Variants in ALG2 observed in about 807,000 individuals in gnomAD.
ALG2 encodes ALG2 alpha-1,3/1,6-mannosyltransferase, also known as alpha-1,3/1,6-mannosyltransferase ALG2.
Under a neutral mutation model 30.5 loss-of-function variants are expected in ALG2, and 32 were observed. That is an observed-to-expected ratio of 1.05 (90% CI 0.79 to 1.41). The LOEUF is 1.41. ALG2 is among the 40% of genes most tolerant of loss of function. The pLI is 0.00. For synonymous variants in ALG2, 253 were observed against 224.8 expected, an observed-to-expected ratio of 1.13 and a Z score of -1.12; for missense variants, 574 against 526.4, an observed-to-expected ratio of 1.09 and a Z score of -0.88.
chr9:99,221,826 G>C lies in ALG2; in HGVS notation c.69C>G (p.Asp23Glu), dbSNP rs764985375. 2 of 1,597,160 alleles carry C rather than the reference G, an allele frequency of 1.3e-6. No individual in the cohort carries two copies. The highest frequency in any genetic ancestry group is 3.3e-5 in the Admixed American group (2 of 59,920). ...PKPSVLFLHP[D>E]LGVGGAERLV... ...GCCGCTCAGCGCCGCCCACGCCCAG[G>C]TCTGGGTGGAGGAACAGCACCGACG... The change falls in exon 1 of 2, where the codon GAC becomes GAG. Residue 23 changes from aspartate (D) to glutamate (E), a missense_variant. Coordinates refer to ENST00000476832, the MANE Select transcript of ALG2 (RefSeq NM_033087.4).
At chr9:99,220,862 A>G (rs1236696151) in intron 1 of ALG2, 3 of 1,116,240 alleles carry the variant, frequency 2.7e-6, no homozygotes, top group Non-Finnish European at 3.6e-6. Flanking sequence ...CTATACTACT[A>G]AATTTTTAAT....
rs1828690687 is a variant in ALG2 at position 99,216,453 on chromosome 9, A to G, written c.*1481T>C. ...AATGCAACAGAACTTTTAATCCCAT[A>G]AAAGACTCAATATATTTGGCACCCT... On this transcript the variant is annotated 3_prime_UTR_variant, in exon 2 of 2. Coordinates refer to ENST00000476832, the MANE Select transcript of ALG2 (RefSeq NM_033087.4). The G allele has an allele frequency of 2.3e-6, 1 of 433,420 alleles. No individual in the cohort carries two copies. The highest frequency in any genetic ancestry group is 2.0e-5 in the African/African-American group (1 of 48,976). The allele number at this position is 433,420 out of a possible 1,614,324, so 26.8% of individuals were successfully genotyped here. A position where few individuals can be genotyped will look rare whatever the true frequency, so the allele number is the denominator to read the frequency against.
rs183826470 is a variant in ALG2, at chr9:99,219,567, A to G, written c.349-731T>C. Among the ~76,000 whole-genome samples the G allele has an allele frequency of 4.1e-3, 630 of 152,372 alleles. 6 individuals carry two copies. The highest frequency in any genetic ancestry group is 5.1e-3 in the Non-Finnish European group (344 of 68,030). ...TTTTGTGATTATTAAATGCACTGAT[A>G]TATGCAAAACACATGGAGTTTAGCA... On this transcript the variant is annotated intron_variant, in intron 1 of 1. Transcript: ENST00000476832.
At chr9:99,220,693 T>C (rs1446322530) in intron 1 of ALG2, among the ~76,000 whole-genome samples, 3 of 152,148 alleles carry the variant, frequency 2.0e-5, no homozygotes, top group Admixed American at 6.5e-5. Flanking sequence ...TAATAGTAGG[T>C]ATGTCATAAT....
In ALG2 at chr9:99,216,469, T is replaced by C. The variant is rs916256323; in HGVS notation, c.*1465A>G. ...TAATCCCATAAAAGACTCAATATAT[T>C]TGGCACCCTCATTTTATAGTACTCC... On this transcript the variant is annotated 3_prime_UTR_variant, in exon 2 of 2. Coordinates refer to ENST00000476832, the MANE Select transcript of ALG2 (RefSeq NM_033087.4). 2 of 441,726 alleles carry C rather than the reference T, an allele frequency of 4.5e-6. No homozygotes were observed. Among genetic ancestry groups the C allele is most frequent in the African/African-American group, 4.1e-5 (2 of 49,278 alleles). 27.4% of individuals were successfully genotyped at this position (441,726 alleles called of 1,614,324 possible).
rs372356780 is a variant in ALG2, at chr9:99,217,955, A to G, written c.1230T>C (p.Tyr410=). The G allele has an allele frequency of 1.4e-5, 22 of 1,614,108 alleles. No individual in the cohort carries two copies. Among genetic ancestry groups the G allele is most frequent in the South Asian group, 5.5e-5 (5 of 91,094 alleles). The part of the protein sequence containing the change: ...PEAFTEQLYR[Y]VTKLLV ...CTGATTATACCAGCAGTTTGGTAAC[A>G]TATCGGTAGAGCTGTTCTGTAAATG... Residue 410 remains tyrosine (Y), a synonymous_variant, in exon 2 of 2, where the codon TAT becomes TAC. Coordinates refer to ENST00000476832, the MANE Select transcript of ALG2 (RefSeq NM_033087.4).
rs773641589 is a variant in ALG2, at chr9:99,217,229, C to T, written c.*705G>A. Reference sequence around the variant, plus strand: ...AATATACCCTAAACAAGATGCACAACACATGTGTGACAATATTCTTGCTTC... The same window carrying T: ...AATATACCCTAAACAAGATGCACAATACATGTGTGACAATATTCTTGCTTC... On this transcript the variant is annotated 3_prime_UTR_variant, in exon 2 of 2. Transcript: ENST00000476832. 2 of 454,116 alleles carry T rather than the reference C, an allele frequency of 4.4e-6. No individual in the cohort carries two copies. The highest frequency in any genetic ancestry group is 1.6e-5 in the South Asian group (1 of 64,480). The allele number at this position is 454,116 out of a possible 1,614,324, so 28.1% of individuals were successfully genotyped here. A position where few individuals can be genotyped will look rare whatever the true frequency, so the allele number is the denominator to read the frequency against.
At position 99,217,250 on chromosome 9, in the gene ALG2, G is replaced by C. The variant is rs1415355078; in HGVS notation, c.*684C>G. 1 of 453,972 alleles carries C rather than the reference G, an allele frequency of 2.2e-6. No homozygotes were observed. The highest frequency in any genetic ancestry group is 4.4e-6 in the Non-Finnish European group (1 of 226,788). The allele number at this position is 453,972 out of a possible 1,614,324, so 28.1% of individuals were successfully genotyped here. On this transcript the variant is annotated 3_prime_UTR_variant, in exon 2 of 2. Coordinates refer to ENST00000476832, the MANE Select transcript of ALG2 (RefSeq NM_033087.4). Reference sequence around the variant, plus strand: ...ACAACACATGTGTGACAATATTCTTGCTTCATTTCAATATCCACTTTACCC... The same window carrying C: ...ACAACACATGTGTGACAATATTCTTCCTTCATTTCAATATCCACTTTACCC...
In ALG2 at chr9:99,218,161, T is replaced by A; in HGVS notation, c.1024A>T (p.Ile342Phe). 1 of 1,612,240 alleles carries A rather than the reference T, an allele frequency of 6.2e-7. No homozygotes were observed. The highest frequency in any genetic ancestry group is 1.1e-5 in the South Asian group (1 of 91,046). The change falls in exon 2 of 2, where the codon ATT (isoleucine) becomes TTT (phenylalanine). Residue 342 changes from isoleucine (I) to phenylalanine (F), a missense_variant. Physicochemically the swap from Ile to Phe is conservative, Grantham distance 21. Coordinates refer to ENST00000476832, the MANE Select transcript of ALG2 (RefSeq NM_033087.4). ...AAGGGTCCACCCGAATTAACAGCAA[T>A]GACTGGGCACTGCATGTACATGGCT... is the stretch of plus-strand genomic sequence containing the variant. Reference protein sequence around the residue: ...LEAMYMQCPVIAVNSGGPLES... With the variant: ...LEAMYMQCPVFAVNSGGPLES...
Position 99,217,390 on chromosome 9 carries a change from T to C in ALG2, c.*544A>G, listed in dbSNP as rs1352853096. ...TTTTTATGATAAACACCTTTTATTATATCTCAGTGTGCAAAAATACAAATT... is the reference window on the plus strand; with the variant it reads ...TTTTTATGATAAACACCTTTTATTACATCTCAGTGTGCAAAAATACAAATT... On this transcript the variant is annotated 3_prime_UTR_variant, in exon 2 of 2. Transcript: ENST00000476832. The C allele has an allele frequency of 2.2e-6, 1 of 453,942 alleles. No individual in the cohort carries two copies. Among genetic ancestry groups the C allele is most frequent in the African/African-American group, 2.0e-5 (1 of 49,990 alleles). The allele number at this position is 453,942 out of a possible 1,614,324, so 28.1% of individuals were successfully genotyped here. A position where few individuals can be genotyped will look rare whatever the true frequency, so the allele number is the denominator to read the frequency against.
Position 99,218,237 on chromosome 9 carries a change from C to A in ALG2, c.948G>T (p.Thr316=). 1.2e-6 allele frequency: 2 copies of A among 1,614,206 alleles called. No individual in the cohort carries two copies. The highest frequency in any genetic ancestry group is 1.7e-6 in the Non-Finnish European group (2 of 1,180,046). ...CATTGCTTGGTGTGTAAAGCACACA[C>A]GTGCAGCTGTGGAGGAGGGAGATTT... The part of the protein sequence containing the change: ...KQKISLLHSC[T]CVLYTPSNEH... The change falls in exon 2 of 2, where the codon ACG becomes ACT. Residue 316 remains threonine, a synonymous_variant. Coordinates refer to ENST00000476832, the MANE Select transcript of ALG2 (RefSeq NM_033087.4).
chr9:99,221,318 G>A (rs1031428420), intron 1 of ALG2, among the ~76,000 whole-genome samples: 5 of 152,174 alleles, frequency 3.3e-5, no homozygotes. Context: ...CCACCTCAGG[G>A]CACCTGGATG....
In ALG2 at chr9:99,217,538, G is replaced by C. The variant is rs1458953407; in HGVS notation, c.*396C>G. 1 of 456,172 alleles carries C rather than the reference G, an allele frequency of 2.2e-6. No individual in the cohort carries two copies. The highest frequency in any genetic ancestry group is 4.4e-6 in the Non-Finnish European group (1 of 228,100). The allele number at this position is 456,172 out of a possible 1,614,324, so 28.3% of individuals were successfully genotyped here. On this transcript the variant is annotated 3_prime_UTR_variant, in exon 2 of 2. Transcript: ENST00000476832. ...TGAATCTGGGAACTACAATAGCCCTGCTCTCATTATACTATGAAGCCAAAT... is the reference window on the plus strand; with the variant it reads ...TGAATCTGGGAACTACAATAGCCCTCCTCTCATTATACTATGAAGCCAAAT...
Position 99,221,538 on chromosome 9 carries a change from C to T in ALG2, c.348+9G>A. 4 of 1,542,182 alleles carry T rather than the reference C, an allele frequency of 2.6e-6. No homozygotes were observed. The highest frequency in any genetic ancestry group is 3.5e-6 in the Non-Finnish European group (4 of 1,145,980). Reference sequence around the variant, plus strand: ...CGCACTCGCGCAGCCGGCCCCGCGGCCGCCTCACCTGGTCGCACACTACCA... The same window carrying T: ...CGCACTCGCGCAGCCGGCCCCGCGGTCGCCTCACCTGGTCGCACACTACCA... On this transcript the variant is annotated intron_variant, in intron 1 of 1. Coordinates refer to ENST00000476832, the MANE Select transcript of ALG2 (RefSeq NM_033087.4).
intron 1 of ALG2, chr9:99,220,947 C>T (rs773931286): frequency 1.5e-6 from 2 of 1,350,378 alleles, no homozygotes; most frequent in South Asian, 1.1e-5. Flanking sequence ...TCAAGAATAG[C>T]TACAGGGCAG....
In ALG2 at chr9:99,221,805, C is replaced by T. The variant is rs761103486; in HGVS notation, c.90G>A (p.Glu30=). 3 of 1,597,822 alleles carry T rather than the reference C, an allele frequency of 1.9e-6. No individual in the cohort carries two copies. In the East Asian group the frequency reaches 6.7e-5, roughly 36 times the overall value. The change falls in exon 1 of 2, where the codon GAG becomes GAA. Residue 30 remains glutamate (E), a synonymous_variant. Coordinates refer to ENST00000476832, the MANE Select transcript of ALG2 (RefSeq NM_033087.4). ...LHPDLGVGGA[E]RLVLDAALAL... is the part of the protein sequence containing the mutation. ...CCAGCGCCGCGTCCAACACCAGCCG[C>T]TCAGCGCCGCCCACGCCCAGGTCTG...
In ALG2 at chr9:99,218,862, G is replaced by A. The variant is rs373590511; in HGVS notation, c.349-26C>T. ...CTAGCCAAAGCAAAAATCAACAGCG[G>A]ATAAAGTGGTCAACTCAACTTCAAC... On this transcript the variant is annotated intron_variant, in intron 1 of 1. Coordinates refer to ENST00000476832, the MANE Select transcript of ALG2 (RefSeq NM_033087.4). 6 of 1,599,762 alleles carry A rather than the reference G, an allele frequency of 3.8e-6. No individual in the cohort carries two copies. The South Asian group carries it at 4.4e-5, about 12-fold the overall frequency.
In ALG2 at chr9:99,217,745, T is replaced by C. The variant is rs1828718731; in HGVS notation, c.*189A>G. ...GGCAAAATTTGGAATGATTATAGCATAAAAGACATGGTTTTTCTGAAAAGT... is the reference window on the plus strand; with the variant it reads ...GGCAAAATTTGGAATGATTATAGCACAAAAGACATGGTTTTTCTGAAAAGT... On this transcript the variant is annotated 3_prime_UTR_variant, in exon 2 of 2. Coordinates refer to ENST00000476832, the MANE Select transcript of ALG2 (RefSeq NM_033087.4). 1 of 730,722 alleles carries C rather than the reference T, an allele frequency of 1.4e-6. No homozygotes were observed. Among genetic ancestry groups the C allele is most frequent in the South Asian group, 1.5e-5 (1 of 67,434 alleles). 45.3% of individuals were successfully genotyped at this position (730,722 alleles called of 1,614,324 possible). A position where few individuals can be genotyped will look rare whatever the true frequency, so the allele number is the denominator to read the frequency against.
At position 99,221,732 on chromosome 9, in the gene ALG2, C is replaced by T. The variant is rs781454672; in HGVS notation, c.163G>A (p.Asp55Asn). 16 of 1,598,418 alleles carry T rather than the reference C, an allele frequency of 1.0e-5. No homozygotes were observed. The highest frequency in any genetic ancestry group is 4.0e-5 in the African/African-American group (3 of 74,866). ...CTCTCGGCGAAACAGTGGCCCGGGTCGTAGTGCGCTGTCCAGATCTTCACG... is the reference window on the plus strand; with the variant it reads ...CTCTCGGCGAAACAGTGGCCCGGGTTGTAGTGCGCTGTCCAGATCTTCACG... The part of the protein sequence containing the change: ...CSVKIWTAHY[D>N]PGHCFAESRE... The change falls in exon 1 of 2, where the codon GAC (aspartate) becomes AAC (asparagine). Residue 55 changes from aspartate to asparagine, a missense_variant. By Grantham distance (23) the Asp-to-Asn change is conservative. Coordinates refer to ENST00000476832, the MANE Select transcript of ALG2 (RefSeq NM_033087.4).
Sources: gnomAD v4.1 joint callset for allele counts (sites outside exome capture counted in the v4.1 genomes callset) on GRCh38, gnomAD v4.1.1 for gene constraint, MANE v1.5 for transcripts, NCBI Gene and HGNC (gene_info 2026-07-23, HGNC 2026-07-21) for gene names.